Variants in DISC1 observed in about 807,000 individuals in gnomAD.
DISC1 encodes disrupted in schizophrenia 1 protein.
In DISC1, 57 loss-of-function variants were observed where a neutral mutation model predicts 84.5. That is an observed-to-expected ratio of 0.67 (90% CI 0.55 to 0.84). The LOEUF (loss-of-function observed/expected upper bound fraction) is 0.84, where lower values mean the gene tolerates loss of function less well. Among genes scored for constraint, DISC1 ranks in the 40% least tolerant of loss-of-function variants. The pLI is 0.00. For synonymous variants in DISC1, 411 were observed against 415.2 expected, an observed-to-expected ratio of 0.99 and a Z score of 0.12; for missense variants, 1,000 against 1,057.8, an observed-to-expected ratio of 0.95 and a Z score of 0.76.
intron 10 of DISC1, among the ~76,000 whole-genome samples, chr1:231,978,856 T>G (rs1467352925): frequency 6.6e-6 from 1 of 152,310 alleles, no homozygotes; most frequent in African/African-American, 2.4e-5. Flanking sequence ...GAGACCATAC[T>G]CTAAATCCTG....
chr1:231,797,071 A>G (rs1558561258), intron 7 of DISC1, among the ~76,000 whole-genome samples: 1 of 152,218 alleles, frequency 6.6e-6, no homozygotes, highest in African/African-American at 2.4e-5. Flanking sequence ...TAGAATTAAA[A>G]GATGGGAGGA....
At chr1:231,906,841 A>C (rs1216701085) in intron 9 of DISC1, among the ~76,000 whole-genome samples, 1 of 152,138 alleles carries the variant, frequency 6.6e-6, no homozygotes, top group Non-Finnish European at 1.5e-5. Flanking sequence ...GGAAAAAAAA[A>C]ATTAAGGGGC....
intron 11 of DISC1, among the ~76,000 whole-genome samples, chr1:232,024,394 C>G (rs1206532398): frequency 6.6e-6 from 1 of 152,000 alleles, no homozygotes; most frequent in Non-Finnish European, 1.5e-5. Flanking sequence ...GCTAATATAG[C>G]AAAAATCAAA....
chr1:231,940,585 A>G (rs199762467), intron 9 of DISC1, among the ~76,000 whole-genome samples: 21 of 151,360 alleles, frequency 1.4e-4, no homozygotes, highest in Non-Finnish European at 2.8e-4. Context: ...CATTTAGTTT[A>G]CTCCACTTGA....
At chr1:231,641,526 A>G (rs1321507889) in intron 1 of DISC1, among the ~76,000 whole-genome samples, 4 of 152,204 alleles carry the variant, frequency 2.6e-5, no homozygotes, top group Non-Finnish European at 5.9e-5. Context: ...AGCAGCAGCA[A>G]GGTTTGTTGC....
At chr1:231,962,225 T>G (rs187235778) in intron 10 of DISC1, among the ~76,000 whole-genome samples, 29 of 152,342 alleles carry the variant, frequency 1.9e-4, no homozygotes, top group Admixed American at 9.1e-4. Context: ...TTAATAGAGT[T>G]ATTTGTTTTT....
chr1:231,814,212 A>G (rs142378772), intron 8 of DISC1, among the ~76,000 whole-genome samples: 1 of 152,336 alleles, frequency 6.6e-6, no homozygotes, highest in African/African-American at 2.4e-5. Flanking sequence ...GTGATGTTCG[A>G]GTTGGAAACT....
intron 1 of DISC1, among the ~76,000 whole-genome samples, chr1:231,691,292 G>A (rs546686463): frequency 7.9e-5 from 12 of 152,094 alleles, no homozygotes; most frequent in Admixed American, 6.5e-4. Context: ...TTAGCTGGGC[G>A]TGGTGGCAGG....
At chr1:231,847,389 G>A (rs1221249076) in intron 9 of DISC1, among the ~76,000 whole-genome samples, 1 of 152,126 alleles carries the variant, frequency 6.6e-6, no homozygotes, top group Non-Finnish European at 1.5e-5. Context: ...CAACATATAA[G>A]TTTTGGGGGA....
At chr1:231,780,160 T>C (rs957200697) in intron 6 of DISC1, among the ~76,000 whole-genome samples, 1 of 146,636 alleles carries the variant, frequency 6.8e-6, no homozygotes, top group Non-Finnish European at 1.5e-5. Flanking sequence ...GTGGGTGCAG[T>C]GCACCAGCAT....
At chr1:232,000,972 A>G (rs1302877312) in intron 10 of DISC1, among the ~76,000 whole-genome samples, 1 of 152,348 alleles carries the variant, frequency 6.6e-6, no homozygotes, top group Non-Finnish European at 1.5e-5. Context: ...ATAGAATAAA[A>G]AGAGTAGAAA....
At chr1:231,827,937 C>T (rs1208916754) in intron 9 of DISC1, among the ~76,000 whole-genome samples, 1 of 152,156 alleles carries the variant, frequency 6.6e-6, no homozygotes, top group Middle Eastern at 3.2e-3. Flanking sequence ...TGCTCATATT[C>T]CACAAGCCTG....
At chr1:232,000,246 A>G (rs187481140) in intron 10 of DISC1, among the ~76,000 whole-genome samples, 4 of 152,342 alleles carry the variant, frequency 2.6e-5, no homozygotes, top group Non-Finnish European at 4.4e-5. Flanking sequence ...GTCAGCAAAG[A>G]TATAGAAATT....
In DISC1 at chr1:232,031,187, AG is replaced by A. The variant is rs1198501712; in HGVS notation, c.2425+4637del. Among the ~76,000 whole-genome samples the A allele has an allele frequency of 2.6e-5, 3 of 115,860 alleles. No individual in the cohort carries two copies. Among genetic ancestry groups the A allele is most frequent in the African/African-American group, 9.2e-5 (3 of 32,582 alleles). The allele number at this position is 115,860 out of a possible 152,430, so 76.0% of individuals were successfully genotyped here. On this transcript the variant is annotated intron_variant, in intron 12 of 12. Coordinates refer to ENST00000439617, the MANE Select transcript of DISC1 (RefSeq NM_018662.3). The surrounding 1 kb of genome is among the most constrained non-coding windows in gnomAD (Gnocchi z 4.6). ...AGAACAGGAAGGAAGGAAGGGAGAA[AG>A]GAGAGACAGAGAGAGAGGAAGGAAG...
intron 1 of DISC1, among the ~76,000 whole-genome samples, chr1:231,664,227 C>T (rs567420413): frequency 6.6e-6 from 1 of 152,226 alleles, no homozygotes; most frequent in South Asian, 2.1e-4. Flanking sequence ...AAGGTTTGAA[C>T]CTAGATCTCC....
chr1:231,737,688 A>T (rs1020254111), intron 3 of DISC1, among the ~76,000 whole-genome samples: 10 of 152,128 alleles, frequency 6.6e-5, no homozygotes, highest in Admixed American at 2.0e-4. Flanking sequence ...TTAATATTTT[A>T]AAAAAACAAC....
chr1:231,829,192 C>T (rs1484014918), intron 9 of DISC1, among the ~76,000 whole-genome samples: 1 of 152,158 alleles, frequency 6.6e-6, no homozygotes, highest in Non-Finnish European at 1.5e-5. Flanking sequence ...TGGCTTCATA[C>T]ATACTGCAGA....
At chr1:231,859,092 T>G (rs1375361087) in intron 9 of DISC1, among the ~76,000 whole-genome samples, 3 of 152,156 alleles carry the variant, frequency 2.0e-5, no homozygotes, top group Non-Finnish European at 4.4e-5. Context: ...CCAGCATACT[T>G]CTGGTTCTGA....
At chr1:231,822,572 A>G (rs1553365025) in intron 9 of DISC1, among the ~76,000 whole-genome samples, 1 of 152,180 alleles carries the variant, frequency 6.6e-6, no homozygotes, top group Non-Finnish European at 1.5e-5. Flanking sequence ...TCGCAATGAC[A>G]AGATCCTGCC....
Sources: allele counts gnomAD v4.1 joint callset (sites outside exome capture counted in the v4.1 genomes callset), GRCh38; gene constraint gnomAD v4.1.1; non-coding constraint Gnocchi (gnomAD v3.1); transcripts MANE v1.5; gene names NCBI Gene and HGNC (gene_info 2026-07-23, HGNC 2026-07-21).